The following FRMPD4 variants were observed in gnomAD, a reference collection of about 807,000 sequenced individuals.
FRMPD4 encodes FERM and PDZ domain-containing protein 4.
In FRMPD4, 22 loss-of-function variants were observed where a neutral mutation model predicts 94.1. The observed-to-expected ratio is 0.23, with a 90% confidence interval of 0.17 to 0.33. The LOEUF (loss-of-function observed/expected upper bound fraction) is 0.33, where lower values mean the gene tolerates loss of function less well. FRMPD4 is among the 10% of genes least tolerant of loss of function. The pLI is 1.00. For missense variants in FRMPD4, 1,111 were observed against 1,339.9 expected (o/e 0.83, Z 2.67); for synonymous variants, 631 against 548.6 (o/e 1.15, Z -2.10).
chrX:12,383,958 G>C (rs1436181720), intron 1 of FRMPD4, among the ~76,000 whole-genome samples: 1 of 110,993 alleles, frequency 9.0e-6, no homozygotes, highest in Non-Finnish European at 1.9e-5. Context: ...TAGAACCCAG[G>C]GAGATGAAAG....
At chrX:11,930,107 CAAAAAAAAAAAAAAA>C (rs55973946) in intron 3 of FRMPD4, among the ~76,000 whole-genome samples, 1 of 13,256 alleles carries the variant, frequency 7.5e-5, no homozygotes, top group Non-Finnish European at 1.3e-4. Context: ...GACTCTGTCT[CAAAAAAAAAAAAAAA>C]AAAAAAAAAA....
intron 1 of FRMPD4, among the ~76,000 whole-genome samples, chrX:12,480,632 A>G (rs2057669985): frequency 8.9e-6 from 1 of 111,959 alleles, no homozygotes; most frequent in African/African-American, 3.3e-5. Flanking sequence ...ATCACAGCTG[A>G]TGAATGGCAT....
intron 3 of FRMPD4, among the ~76,000 whole-genome samples, chrX:12,011,457 A>G (rs1348250082): frequency 8.9e-6 from 1 of 112,284 alleles, no homozygotes; most frequent in Admixed American, 9.4e-5. Context: ...CAAGTATTCA[A>G]TAGCCACTTG....
chrX:12,284,951 G>A (rs2054579543), intron 1 of FRMPD4, among the ~76,000 whole-genome samples: 1 of 111,949 alleles, frequency 8.9e-6, no homozygotes, highest in African/African-American at 3.3e-5. Context: ...AGGACTACGT[G>A]AGCTAATTTA....
intron 3 of FRMPD4, among the ~76,000 whole-genome samples, chrX:11,945,880 A>T: frequency 8.9e-6 from 1 of 112,098 alleles, no homozygotes; most frequent in East Asian, 2.8e-4. Context: ...TATCCAAACC[A>T]TATCACTTGT....
chrX:12,547,643 T>A (rs1164895443), intron 2 of FRMPD4, among the ~76,000 whole-genome samples: 1 of 112,168 alleles, frequency 8.9e-6, no homozygotes, highest in Non-Finnish European at 1.9e-5. Context: ...ACAGAAAGTA[T>A]GATTCCACTA....
In FRMPD4 at chrX:12,203,448, C is replaced by T. The variant is rs779597779; in HGVS notation, c.41+64436C>T. ...ACATATATATTAATGCCCAAACGTC[C>T]GACTCCAGCTGCTGCCAGTGAATAA... On this transcript the variant is annotated intron_variant, in intron 1 of 16. Coordinates refer to ENST00000675598, the MANE Select transcript of FRMPD4 (RefSeq NM_001368397.1). Among the ~76,000 whole-genome samples the T allele has an allele frequency of 1.5e-3, 166 of 111,685 alleles. 1 individual carries two copies. Among genetic ancestry groups the T allele is most frequent in the Middle Eastern group, 4.6e-3 (1 of 219 alleles).
At chrX:12,677,929 T>C (rs2059916991) in intron 5 of FRMPD4, among the ~76,000 whole-genome samples, 1 of 112,166 alleles carries the variant, frequency 8.9e-6, no homozygotes, top group African/African-American at 3.2e-5. Flanking sequence ...ATTTTTACTG[T>C]TTTTCTTGGG....
chrX:12,348,745 T>C (rs1466491262), intron 1 of FRMPD4, among the ~76,000 whole-genome samples: 2 of 112,152 alleles, frequency 1.8e-5, no homozygotes, highest in Non-Finnish European at 3.8e-5. Flanking sequence ...AGGCTGGTCT[T>C]ACTTTATGGA....
At chrX:12,557,620 G>T (rs978886778) in intron 2 of FRMPD4, among the ~76,000 whole-genome samples, 3 of 112,322 alleles carry the variant, frequency 2.7e-5, no homozygotes, top group African/African-American at 9.7e-5. Flanking sequence ...TGTTGAAAAT[G>T]TAGCACTTAG....
At chrX:12,525,022 G>C (rs1196746907) in intron 2 of FRMPD4, among the ~76,000 whole-genome samples, 2 of 111,473 alleles carry the variant, frequency 1.8e-5, no homozygotes, top group Admixed American at 9.6e-5. Context: ...TGTGGCCCAA[G>C]ATAATTCTTC....
chrX:12,518,850 C>T (rs1300752173), intron 2 of FRMPD4, among the ~76,000 whole-genome samples: 1 of 111,762 alleles, frequency 8.9e-6, no homozygotes, highest in Admixed American at 9.4e-5. Context: ...CACACACAAA[C>T]TGCTAAAACA....
At chrX:12,427,867 A>T (rs1176126291) in intron 1 of FRMPD4, among the ~76,000 whole-genome samples, 1 of 102,475 alleles carries the variant, frequency 9.8e-6, no homozygotes, top group Non-Finnish European at 2.0e-5. Context: ...ATTATGACAG[A>T]TAAGGATGTT....
intron 3 of FRMPD4, among the ~76,000 whole-genome samples, chrX:12,053,416 AAGAAAGAAAGAAAG>A (rs1569149824): frequency 1.0e-5 from 1 of 99,030 alleles, no homozygotes; most frequent in Non-Finnish European, 2.1e-5. Context: ...GAAAGAAAGA[AAGAAAGAAAGAAAG>A]AGAAAGAAAG....
intron 9 of FRMPD4, among the ~76,000 whole-genome samples, chrX:12,697,168 G>A (rs747920612): frequency 3.6e-5 from 4 of 112,354 alleles, no homozygotes; most frequent in South Asian, 3.7e-4. Context: ...CCCGAACAAC[G>A]AAACTGCCAC....
intron 2 of FRMPD4, among the ~76,000 whole-genome samples, chrX:12,529,972 G>A (rs905709352): frequency 1.8e-5 from 2 of 110,768 alleles, no homozygotes; most frequent in Non-Finnish European, 3.8e-5. Context: ...CTAATCCTAT[G>A]AGAGTTGAGC....
exon 3 of FRMPD4, among the ~76,000 whole-genome samples, chrX:11,878,013 T>G: frequency 8.9e-6 from 1 of 112,100 alleles, no homozygotes; most frequent in East Asian, 2.8e-4. Flanking sequence ...GAGAACATAT[T>G]TGCCAGTGAG....
intron 1 of FRMPD4, among the ~76,000 whole-genome samples, chrX:11,859,207 C>T (rs1042385936): frequency 1.8e-5 from 2 of 111,592 alleles, no homozygotes; most frequent in African/African-American, 6.5e-5. Flanking sequence ...GGAAGAACTA[C>T]ACTTGCAGAG....
chrX:12,082,372 T>C lies in FRMPD4; in HGVS notation c.95+204354T>C, dbSNP rs896914193. 3.6e-5 allele frequency among the ~76,000 whole-genome samples: 4 copies of C among 112,192 alleles called. No individual in the cohort carries two copies. The East Asian group carries it at 1.1e-3, about 31-fold the overall frequency. ...CTTTTGCTTCTTCCTCATTTTTCTC[T>C]TGCTACTACCATGTAAGAAGTGCCT... On this transcript the variant is annotated intron_variant, in intron 3 of 18. Transcript: ENST00000640291.
Sources: allele counts gnomAD v4.1 joint callset (sites outside exome capture counted in the v4.1 genomes callset), GRCh38; gene constraint gnomAD v4.1.1; transcripts MANE v1.5; gene names NCBI Gene and HGNC (gene_info 2026-07-23, HGNC 2026-07-21).